BCAR1: variants seen among roughly 807,000 people sequenced by gnomAD.
BCAR1 encodes the protein breast cancer anti-estrogen resistance protein 1.
BCAR1 carries 30 observed loss-of-function variants against 67.6 expected under a neutral mutation model. The ratio of observed to expected loss-of-function variants is 0.44; its 90% CI spans 0.33 to 0.60. The LOEUF (loss-of-function observed/expected upper bound fraction) is 0.60, where lower values mean the gene tolerates loss of function less well. Among genes scored for constraint, BCAR1 ranks in the 20% least tolerant of loss-of-function variants. The pLI is 0.02. For synonymous variants in BCAR1, 626 were observed against 556.7 expected, an observed-to-expected ratio of 1.12 and a Z score of -1.75; for missense variants, 1,313 against 1,222.3, an observed-to-expected ratio of 1.07 and a Z score of -1.11.
intron 5 of BCAR1, among the ~76,000 whole-genome samples, chr16:75,234,160 G>GAC (rs1296996116): frequency 0.047 from 4,093 of 87,798 alleles, 119 homozygotes; most frequent in East Asian, 0.067. Flanking sequence ...GGGGCAGGCA[G>GAC]ACAGACACAC....
At chr16:75,252,767 CCT>C (rs1259206697), upstream of BCAR1, among the ~76,000 whole-genome samples, 3 of 152,220 alleles carry the variant, frequency 2.0e-5, no homozygotes, top group Non-Finnish European at 2.9e-5. Flanking sequence ...TGCAGCTGCC[CCT>C]CTGTCTGACC....
intron 2 of BCAR1, chr16:75,238,480 C>T: frequency 4.0e-6 from 4 of 1,000,996 alleles, no homozygotes; most frequent in Non-Finnish European, 4.8e-6. Flanking sequence ...CCCTAGAGGC[C>T]CTCCCAATGC....
intron 1 of BCAR1, chr16:75,250,629 C>T (rs1597258643): frequency 1.0e-6 from 1 of 985,478 alleles, no homozygotes; most frequent in Non-Finnish European, 1.2e-6. Context: ...CCCCTCACCC[C>T]GCACCCCTAG....
intron 2 of BCAR1, chr16:75,238,763 G>A (rs2077230919): frequency 4.1e-6 from 4 of 985,450 alleles, no homozygotes; most frequent in South Asian, 4.7e-5. Context: ...CCAGACTTGA[G>A]TCTCCTCCAG....
At chr16:75,243,898 C>T (rs1344770624) in intron 1 of BCAR1, among the ~76,000 whole-genome samples, 3 of 152,250 alleles carry the variant, frequency 2.0e-5, no homozygotes, top group Admixed American at 6.5e-5. Flanking sequence ...GCTGCCCCAT[C>T]GAGGTGCCAG....
intron 1 of BCAR1, among the ~76,000 whole-genome samples, chr16:75,260,743 C>T (rs1169616313): frequency 1.1e-5 from 1 of 89,668 alleles, no homozygotes; most frequent in African/African-American, 3.5e-5. Flanking sequence ...TAAAACAAAG[C>T]AAAGAAAAAA....
intron 2 of BCAR1, chr16:75,238,124 A>C: frequency 7.8e-7 from 1 of 1,287,938 alleles, no homozygotes; most frequent in Non-Finnish European, 1.0e-6. Flanking sequence ...CAAGGCCCGC[A>C]CAGTGGGTGA....
At position 75,242,506 on chromosome 16, in the gene BCAR1, G is replaced by C. The variant is rs1286592655; in HGVS notation, c.597C>G (p.Asp199Glu). 2.0e-6 allele frequency: 3 copies of C among 1,477,626 alleles called. No homozygotes were observed. The highest frequency in any genetic ancestry group is 3.0e-5 in the South Asian group (2 of 66,914). 91.5% of individuals were successfully genotyped at this position (1,477,626 alleles called of 1,614,324 possible). ...GCTTCGTGCCCTCCCAGCTGCGTGT[G>C]TCCATGGACGGGGGGACCTGGTAGA... ...HDIYQVPPSM[D>E]TRSWEGTKPP... The change falls in exon 2 of 7, where the codon GAC becomes GAG. Residue 199 changes from aspartate (D) to glutamate (E), a missense_variant. By Grantham distance (45) the Asp-to-Glu change is conservative. Transcript: ENST00000162330.
intron 6 of BCAR1, among the ~76,000 whole-genome samples, chr16:75,232,968 G>T (rs2076952392): frequency 6.6e-6 from 1 of 150,854 alleles, no homozygotes; most frequent in African/African-American, 2.5e-5. Flanking sequence ...TTCATAATCA[G>T]AATAAAGCTC....
rs1327947263 is a variant in BCAR1, at chr16:75,235,318, G to A, written c.1581C>T (p.Gly527=). 6.2e-7 allele frequency: 1 copy of A among 1,602,696 alleles called. No individual in the cohort carries two copies. Among genetic ancestry groups the A allele is most frequent in the Non-Finnish European group, 8.5e-7 (1 of 1,172,408 alleles). ...CACGGTCAGATGTGTGGGCAGCATTGCCCACCGCGCTGCGGGCAAACTCCA... is the reference window on the plus strand; with the variant it reads ...CACGGTCAGATGTGTGGGCAGCATTACCCACCGCGCTGCGGGCAAACTCCA... The part of the protein sequence containing the change: ...ELLEFARSAV[G]NAAHTSDRAL... Residue 527 remains glycine (G), a synonymous_variant, in exon 5 of 7, where the codon GGC becomes GGT. Coordinates refer to ENST00000162330, the MANE Select transcript of BCAR1 (RefSeq NM_014567.5).
upstream of BCAR1, chr16:75,252,218 T>C: frequency 2.0e-6 from 3 of 1,536,604 alleles, no homozygotes; most frequent in Non-Finnish European, 2.6e-6. Context: ...CCAGCGCTTT[T>C]CACGGGCAGC....
At chr16:75,260,166 C>A (rs2077871825) in intron 1 of BCAR1, among the ~76,000 whole-genome samples, 1 of 152,056 alleles carries the variant, frequency 6.6e-6, no homozygotes, top group Non-Finnish European at 1.5e-5. Context: ...TGCACTCCAG[C>A]CTGGGTGACA....
intron 1 of BCAR1, chr16:75,247,862 G>A (rs540693012): frequency 3.2e-6 from 2 of 619,308 alleles, no homozygotes; most frequent in South Asian, 1.9e-5. Flanking sequence ...GGGAGAAAAT[G>A]GCAAGAACTC....
intron 1 of BCAR1, chr16:75,265,929 C>A: frequency 9.1e-7 from 1 of 1,100,238 alleles, no homozygotes; most frequent in Non-Finnish European, 1.1e-6. Context: ...CGCGAGGGGT[C>A]CCGGCGCTTT....
intron 1 of BCAR1, chr16:75,249,362 G>A (rs1311810666): frequency 6.6e-6 from 1 of 152,246 alleles, no homozygotes; most frequent in Non-Finnish European, 1.5e-5. Context: ...GAGGTGGGAG[G>A]AAGTCAGGGA....
intron 2 of BCAR1, chr16:75,238,604 G>A (rs2151423892): frequency 2.0e-6 from 2 of 988,928 alleles, no homozygotes; most frequent in South Asian, 9.3e-5. Context: ...GCCCCCCGCA[G>A]CGCAGCAGAA....
At chr16:75,262,913 G>A (rs1166052599) in intron 1 of BCAR1, among the ~76,000 whole-genome samples, 1 of 152,184 alleles carries the variant, frequency 6.6e-6, no homozygotes, top group African/African-American at 2.4e-5. Context: ...GTAGAGGGCT[G>A]GCTGCTGTCC....
intron 1 of BCAR1, among the ~76,000 whole-genome samples, chr16:75,245,576 G>A (rs1312376873): frequency 6.6e-6 from 1 of 152,230 alleles, no homozygotes; most frequent in Non-Finnish European, 1.5e-5. Context: ...TGGCCTCACA[G>A]CCCAGCCCTG....
chr16:75,265,878 C>T (rs2077999365), intron 1 of BCAR1: 3 of 1,151,840 alleles, frequency 2.6e-6, no homozygotes, highest in Non-Finnish European at 3.2e-6. Flanking sequence ...GCGGCGCCAG[C>T]GGGCTGGGGG....
Sources: gnomAD v4.1 joint callset for allele counts (sites outside exome capture counted in the v4.1 genomes callset) on GRCh38, gnomAD v4.1.1 for gene constraint, MANE v1.5 for transcripts, NCBI Gene and HGNC (gene_info 2026-07-23, HGNC 2026-07-21) for gene names.